MORF4L1: variants seen among roughly 807,000 people sequenced by gnomAD.
The protein encoded by MORF4L1 is mortality factor 4 like 1, also known as mortality factor 4-like protein 1.
In MORF4L1, 4 loss-of-function variants were observed where a neutral mutation model predicts 52.9. The observed-to-expected ratio is 0.08, with a 90% CI of 0.04 to 0.17. The LOEUF (loss-of-function observed/expected upper bound fraction) is 0.17. MORF4L1 is among the 10% of genes least tolerant of loss of function. MORF4L1 has a pLI of 1.00. For missense variants in MORF4L1, 214 were observed against 390.4 expected, an observed-to-expected ratio of 0.55 and a Z score of 3.81; for synonymous variants, 123 against 134.8, an observed-to-expected ratio of 0.91 and a Z score of 0.61.
chr15:78,894,616 C>G, intron 10 of MORF4L1: 2 of 524,734 alleles, frequency 3.8e-6, no homozygotes, highest in Non-Finnish European at 6.8e-6. Context: ...ACCACGTTCG[C>G]CAGGGTGGTC....
chr15:78,890,947 T>G, intron 5 of MORF4L1, 42 bp from the exon 6 acceptor site: 2 of 1,395,592 alleles, frequency 1.4e-6, no homozygotes, highest in Non-Finnish European at 1.9e-6. Flanking sequence ...AGAGGCAGTT[T>G]TACTGGAAAT....
chr15:78,884,415 G>A (rs959876821), intron 3 of MORF4L1, among the ~76,000 whole-genome samples: 10 of 151,812 alleles, frequency 6.6e-5, no homozygotes, highest in Non-Finnish European at 1.2e-4. Flanking sequence ...GAGGGTGGGC[G>A]GATCACCTGA....
chr15:78,873,521 G>A (rs1024340672), intron 1 of MORF4L1, among the ~76,000 whole-genome samples: 1 of 152,118 alleles, frequency 6.6e-6, no homozygotes, highest in African/African-American at 2.4e-5. Flanking sequence ...CGGGGTGGTT[G>A]CGTTCGGTGG....
intron 3 of MORF4L1, among the ~76,000 whole-genome samples, chr15:78,882,864 C>T (rs546722615): frequency 6.6e-6 from 1 of 152,090 alleles, no homozygotes; most frequent in South Asian, 2.1e-4. Flanking sequence ...AGTTTGAGGC[C>T]AGCCTGGGCA....
Position 78,894,386 on chromosome 15 carries a change from A to C in MORF4L1, c.802+156A>C, listed in dbSNP as rs2056849381. On this transcript the variant is annotated intron_variant, in intron 10 of 11. Transcript: ENST00000426013. ...ATAGCAAAATCTCTTTAGGAGCAAG[A>C]GTTTTAAAAATCGTGTATTTTATTT... 4 of 546,444 alleles carry C rather than the reference A, an allele frequency of 7.3e-6. No homozygotes were observed. In the Admixed American group the frequency reaches 1.6e-4, roughly 21 times the overall value. 33.8% of individuals were successfully genotyped at this position (546,444 alleles called of 1,614,324 possible).
chr15:78,896,441 T>G (rs948541533), intron 11 of MORF4L1, among the ~76,000 whole-genome samples: 48 of 150,626 alleles, frequency 3.2e-4, no homozygotes, highest in African/African-American at 1.2e-3. Flanking sequence ...CTCCCGAGTA[T>G]CTGGGATTAC....
chr15:78,896,953 A>AATT (rs2056900865), intron 11 of MORF4L1, 30 bp from the exon 12 acceptor site: 1 of 1,586,402 alleles, frequency 6.3e-7, no homozygotes, highest in East Asian at 2.3e-5. Flanking sequence ...TGACCTTTAA[A>AATT]AATTTTTGTA....
At chr15:78,881,188 C>CTTTTT (rs777713555) in intron 3 of MORF4L1, among the ~76,000 whole-genome samples, 44 of 13,758 alleles carry the variant, frequency 3.2e-3, no homozygotes, top group South Asian at 0.017. Flanking sequence ...AAGAGTTAAG[C>CTTTTT]CTTTTTTTTT....
Position 78,886,188 on chromosome 15 carries a change from C to A in MORF4L1, c.203C>A (p.Thr68Asn). 1 of 1,614,006 alleles carries A rather than the reference C, an allele frequency of 6.2e-7. No individual in the cohort carries two copies. The highest frequency in any genetic ancestry group is 8.5e-7 in the Non-Finnish European group (1 of 1,179,980). Residue 68 changes from threonine to asparagine, a missense_variant, in exon 4 of 12, where the codon ACC becomes AAC. Thr to Asn is a moderately conservative substitution (Grantham distance 65). Around this residue, in one of 5 missense-constraint regions of MORF4L1, gnomAD observed 84 missense variants for 116.3 expected, o/e 0.72. Coordinates refer to ENST00000426013, the MANE Select transcript of MORF4L1 (RefSeq NM_006791.4). ...AGCAGAGTACTCAAATACGTGGACACCAATTTGCAGAAACAGCGAGAACTT... is the reference window on the plus strand; with the variant it reads ...AGCAGAGTACTCAAATACGTGGACAACAATTTGCAGAAACAGCGAGAACTT... ...PESRVLKYVD[T>N]NLQKQRELQK...
Position 78,897,100 on chromosome 15 carries a change from C to T in MORF4L1, c.*33C>T, listed in dbSNP as rs550971199. 58 of 1,527,866 alleles carry T rather than the reference C, an allele frequency of 3.8e-5. No homozygotes were observed. Among genetic ancestry groups the T allele is most frequent in the African/African-American group, 1.5e-4 (11 of 73,258 alleles). 94.6% of individuals were successfully genotyped at this position (1,527,866 alleles called of 1,614,324 possible). On this transcript the variant is annotated 3_prime_UTR_variant, in exon 12 of 12. Coordinates refer to ENST00000426013, the MANE Select transcript of MORF4L1 (RefSeq NM_006791.4). ...TCTCACTCACTTATGTTTGGATCTC[C>T]GTAAACACATTTTTGTTCTTAGTCT...
At chr15:78,882,335 A>G (rs1457850099) in intron 3 of MORF4L1, among the ~76,000 whole-genome samples, 1 of 152,106 alleles carries the variant, frequency 6.6e-6, no homozygotes, top group Admixed American at 6.6e-5. Flanking sequence ...AAACAACAAC[A>G]TGTATTTCTA....
intron 1 of MORF4L1, 127 bp downstream of exon 1, chr15:78,873,184 T>C (rs2056401737): frequency 6.6e-7 from 1 of 1,521,938 alleles, no homozygotes; most frequent in South Asian, 1.2e-5. Flanking sequence ...GTCAGTGCTT[T>C]GTGCGGGGAA....
At chr15:78,881,790 T>TG in intron 3 of MORF4L1, among the ~76,000 whole-genome samples, 1 of 152,336 alleles carries the variant, frequency 6.6e-6, no homozygotes, top group Non-Finnish European at 1.5e-5. Context: ...GTATTGTTCT[T>TG]GTGGAATTGT....
chr15:78,873,684 C>G (rs1001505133), intron 1 of MORF4L1: 5 of 154,034 alleles, frequency 3.2e-5, no homozygotes, highest in African/African-American at 9.7e-5. Flanking sequence ...CGCCCCCTTC[C>G]ACGACGACCA....
chr15:78,896,618 T>C (rs941224359), intron 11 of MORF4L1, among the ~76,000 whole-genome samples: 10 of 152,138 alleles, frequency 6.6e-5, no homozygotes, highest in African/African-American at 2.2e-4. Flanking sequence ...GATAACGATT[T>C]TTTTTTTAGA....
At chr15:78,874,856 G>GTTTTTTTTTTTTTTTTT in intron 1 of MORF4L1, among the ~76,000 whole-genome samples, 1 of 144,346 alleles carries the variant, frequency 6.9e-6, no homozygotes, top group Non-Finnish European at 1.5e-5. Flanking sequence ...TAATTGAGAC[G>GTTTTTTTTTTTTTTTTT]GTGCGTGAAA....
At chr15:78,876,212 A>G (rs901899329) in intron 1 of MORF4L1, among the ~76,000 whole-genome samples, 1 of 151,358 alleles carries the variant, frequency 6.6e-6, no homozygotes, top group African/African-American at 2.4e-5. Context: ...CTGGGATTAC[A>G]GGTGCGAGCC....
intron 1 of MORF4L1, among the ~76,000 whole-genome samples, chr15:78,876,881 CTAA>C (rs2056503234): frequency 2.0e-5 from 3 of 152,126 alleles, no homozygotes; most frequent in African/African-American, 7.2e-5. Context: ...CTGGGAGAGT[CTAA>C]TAATATGGGT....
At chr15:78,883,144 G>A (rs1395530571) in intron 3 of MORF4L1, among the ~76,000 whole-genome samples, 1 of 151,334 alleles carries the variant, frequency 6.6e-6, no homozygotes, top group African/African-American at 2.4e-5. Flanking sequence ...GAACCCAGGA[G>A]GCGAAGGTTG....
Sources: gnomAD v4.1 joint callset for allele counts (sites outside exome capture counted in the v4.1 genomes callset) on GRCh38, gnomAD v4.1.1 for gene constraint, gnomAD v4.1.1 regional missense constraint, MANE v1.5 for transcripts, NCBI Gene and HGNC (gene_info 2026-07-23, HGNC 2026-07-21) for gene names.